The following TOMM34 variants were observed in gnomAD, a reference collection of about 807,000 sequenced individuals.
TOMM34 encodes the protein translocase of outer mitochondrial membrane 34, also known as mitochondrial import receptor subunit TOM34.
A neutral mutation model predicts 37.4 loss-of-function variants in TOMM34; 24 were observed. The ratio of observed to expected loss-of-function variants is 0.64; its 90% CI spans 0.46 to 0.90. The LOEUF is 0.90. TOMM34 is among the 40% of genes least tolerant of loss of function. The pLI, the probability that TOMM34 is intolerant of heterozygous loss-of-function variation, is 0.00. For missense variants in TOMM34, 304 were observed against 375.6 expected, an observed-to-expected ratio of 0.81 and a Z score of 1.58; for synonymous variants, 154 against 148.9, an observed-to-expected ratio of 1.03 and a Z score of -0.25.
At chr20:44,954,560 T>G (rs559164249) in intron 3 of TOMM34, among the ~76,000 whole-genome samples, 16 of 152,224 alleles carry the variant, frequency 1.1e-4, no homozygotes, top group Admixed American at 3.3e-4. Context: ...ACAATATCCA[T>G]GAGATAAAAG....
At chr20:44,953,186 A>C (rs2067041598) in intron 3 of TOMM34, among the ~76,000 whole-genome samples, 1 of 151,992 alleles carries the variant, frequency 6.6e-6, no homozygotes, top group Non-Finnish European at 1.5e-5. Context: ...TTCCTCACCT[A>C]ATAAAACCAT....
intron 5 of TOMM34, 21 bp downstream of exon 5, chr20:44,948,709 C>T (rs747190256): frequency 6.2e-7 from 1 of 1,613,252 alleles, no homozygotes; most frequent in South Asian, 1.1e-5. Context: ...TGCCCCAGGC[C>T]AGCAGCTGTA....
At chr20:44,949,037 C>G (rs552442649) in intron 4 of TOMM34, among the ~76,000 whole-genome samples, 160 bp from the exon 5 acceptor site, 1 of 152,308 alleles carries the variant, frequency 6.6e-6, no homozygotes, top group African/African-American at 2.4e-5. Context: ...TGACTTCCCC[C>G]AATTAATAGC....
At position 44,951,860 on chromosome 20, in the gene TOMM34, TG is replaced by T. The variant is rs756830499; in HGVS notation, c.522del (p.Glu176LysfsTer21). ...ENHKEMAKSK[S>X]KETTATKNRV... ...CTGTTCTTTGTAGCTGTGGTTTCTT[TG>T]GATTTGCTTTTAGCCATCTCTTTGT... is the stretch of plus-strand genomic sequence containing the variant. On this transcript the variant is annotated frameshift_variant, in exon 4 of 7. Coordinates refer to ENST00000372813, the MANE Select transcript of TOMM34 (RefSeq NM_006809.5). LOFTEE classifies it high-confidence loss of function. 1 of 1,614,126 alleles carries T rather than the reference TG, an allele frequency of 6.2e-7. No homozygotes were observed. Among genetic ancestry groups the T allele is most frequent in the Non-Finnish European group, 8.5e-7 (1 of 1,179,964 alleles).
intron 5 of TOMM34, among the ~76,000 whole-genome samples, chr20:44,946,847 A>C (rs180866675): frequency 5.1e-4 from 78 of 152,340 alleles, no homozygotes; most frequent in African/African-American, 1.8e-3. Context: ...TCACAACCAA[A>C]AGCTGTCCAA....
chr20:44,952,729 G>T (rs1158031517), intron 3 of TOMM34: 6 of 715,402 alleles, frequency 8.4e-6, no homozygotes, highest in Non-Finnish European at 1.3e-5. Context: ...AACCACCAAG[G>T]CCCAATCAGT....
chr20:44,956,406 G>T lies in TOMM34; in HGVS notation c.207C>A (p.Asp69Glu). Residue 69 changes from aspartate (D) to glutamate (E), a missense_variant, in exon 2 of 7, where the codon GAC becomes GAA. By Grantham distance (45) the Asp-to-Glu change is conservative. Transcript: ENST00000372813. ...ACHLKDGNCRDCIKDCTSALA... is the reference protein window; with the variant it reads ...ACHLKDGNCRECIKDCTSALA... ...CTTACGAAGTGCAATCTTTGATGCA[G>T]TCTCTGCAGTTTCCATCCTTCAAGT... 2 of 1,614,186 alleles carry T rather than the reference G, an allele frequency of 1.2e-6. No homozygotes were observed. Among genetic ancestry groups the T allele is most frequent in the Non-Finnish European group, 1.7e-6 (2 of 1,180,030 alleles).
chr20:44,944,162 A>G (rs1241652711), intron 5 of TOMM34, among the ~76,000 whole-genome samples: 1 of 152,252 alleles, frequency 6.6e-6, no homozygotes, highest in East Asian at 1.9e-4. Context: ...ATGGGTGTTC[A>G]ATGTACAAAT....
Position 44,951,882 on chromosome 20 carries a change from T to C in TOMM34, c.501A>G (p.Lys167=). The change falls in exon 4 of 7, where the codon AAA becomes AAG. Residue 167 remains lysine, a synonymous_variant. Coordinates refer to ENST00000372813, the MANE Select transcript of TOMM34 (RefSeq NM_006809.5). ...CTTTGGATTTGCTTTTAGCCATCTC[T>C]TTGTGGTTCTCCGAAGGCAAGGAAT... ...RWNSLPSENH[K]EMAKSKSKET... is the part of the protein sequence containing the mutation. 6.2e-7 allele frequency: 1 copy of C among 1,614,160 alleles called. No individual in the cohort carries two copies. The highest frequency in any genetic ancestry group is 1.1e-5 in the South Asian group (1 of 91,080).
rs1404520281 is a variant in TOMM34, at chr20:44,960,362, T to G, written c.-29A>C. The G allele has an allele frequency of 1.5e-5, 23 of 1,532,980 alleles. No homozygotes were observed. The highest frequency in any genetic ancestry group is 2.0e-5 in the Non-Finnish European group (23 of 1,136,864). 95.0% of individuals were successfully genotyped at this position (1,532,980 alleles called of 1,614,324 possible). On this transcript the variant is annotated 5_prime_UTR_variant, in exon 1 of 7. Transcript: ENST00000372813. ...GTGGCCAGGCCGGCGAGTTGGGAGC[T>G]CCTTCCTTCCTCCCCCGTGTGGTGC...
intron 2 of TOMM34, among the ~76,000 whole-genome samples, chr20:44,955,926 C>T (rs140564032): frequency 6.6e-6 from 1 of 152,274 alleles, no homozygotes; most frequent in East Asian, 1.9e-4. Flanking sequence ...AGATATGAAA[C>T]ATTGTTCAGT....
At chr20:44,949,046 G>C (rs2067004650) in intron 4 of TOMM34, among the ~76,000 whole-genome samples, 169 bp from the exon 5 acceptor site, 1 of 152,180 alleles carries the variant, frequency 6.6e-6, no homozygotes, top group Admixed American at 6.5e-5. Flanking sequence ...CCAATTAATA[G>C]CTTCTGGGCA....
chr20:44,955,336 C>T, intron 2 of TOMM34, 116 bp from the exon 3 acceptor site: 1 of 1,364,154 alleles, frequency 7.3e-7, no homozygotes, highest in Admixed American at 2.1e-5. Flanking sequence ...TAATTTCTGG[C>T]CGAGAGACAT....
intron 5 of TOMM34, among the ~76,000 whole-genome samples, chr20:44,944,751 G>C (rs940484623): frequency 6.6e-6 from 1 of 152,144 alleles, no homozygotes; most frequent in Admixed American, 6.5e-5. Flanking sequence ...TTCCAAAAAA[G>C]CTGAATAGTT....
intron 3 of TOMM34, among the ~76,000 whole-genome samples, chr20:44,954,372 G>A (rs2067052204): frequency 6.6e-6 from 1 of 152,184 alleles, no homozygotes; most frequent in South Asian, 2.1e-4. Flanking sequence ...AGATTTTGTG[G>A]AATCAGATAA....
intron 4 of TOMM34, among the ~76,000 whole-genome samples, chr20:44,951,493 GCTTT>G (rs1433325555): frequency 1.3e-4 from 20 of 152,164 alleles, no homozygotes; most frequent in African/African-American, 3.6e-4. Context: ...ACCATGTTGA[GCTTT>G]CTGTTTTTGC....
At chr20:44,954,614 C>G (rs1042286425) in intron 3 of TOMM34, among the ~76,000 whole-genome samples, 1 of 152,146 alleles carries the variant, frequency 6.6e-6, no homozygotes, top group Non-Finnish European at 1.5e-5. Flanking sequence ...ACCTGGGGAA[C>G]CTCTTGGATT....
intron 3 of TOMM34, chr20:44,952,494 C>A: frequency 4.4e-6 from 3 of 677,414 alleles, no homozygotes; most frequent in Non-Finnish European, 5.5e-6. Context: ...CCCACCCCTT[C>A]CTGTCCCCCT....
At chr20:44,955,654 C>A (rs1379595941) in intron 2 of TOMM34, 1 of 457,240 alleles carries the variant, frequency 2.2e-6, no homozygotes, top group African/African-American at 2.0e-5. Context: ...CCTCAGCAAC[C>A]AAGTTCTGGC....
Sources: gnomAD v4.1 joint callset for allele counts (sites outside exome capture counted in the v4.1 genomes callset) on GRCh38, gnomAD v4.1.1 for gene constraint, MANE v1.5 for transcripts, NCBI Gene and HGNC (gene_info 2026-07-23, HGNC 2026-07-21) for gene names.